Variants in SNX29 observed in about 807,000 individuals in gnomAD.
SNX29 encodes sorting nexin 29, also known as sorting nexin-29.
SNX29 carries 78 observed loss-of-function variants against 102.1 expected under a neutral mutation model. That is an observed-to-expected ratio of 0.76 (90% CI 0.64 to 0.92). The LOEUF is 0.92. Among genes scored for constraint, SNX29 ranks in the 40% least tolerant of loss-of-function variants. The probability of loss-of-function intolerance (pLI) is 0.00; values close to 1 mark genes in which losing one functional copy is unlikely to be tolerated. For missense variants in SNX29, 1,280 were observed against 1,061.7 expected (o/e 1.21, Z -2.86); for synonymous variants, 580 against 414.5 (o/e 1.40, Z -4.85).
At chr16:12,065,708 G>A (rs1034777762) in intron 9 of SNX29, among the ~76,000 whole-genome samples, 2 of 152,110 alleles carry the variant, frequency 1.3e-5, no homozygotes, top group African/African-American at 4.8e-5. Context: ...ACACTGCCCT[G>A]GTTGTGCTTC....
intron 16 of SNX29, among the ~76,000 whole-genome samples, chr16:12,364,161 T>TTATTA (rs1555520016): frequency 1.0e-4 from 14 of 138,384 alleles, no homozygotes; most frequent in African/African-American, 4.0e-4. Flanking sequence ...CCTGGCTTGT[T>TTATTA]TGTTATGTTA....
At chr16:12,552,218 C>G (rs1477082994) in intron 20 of SNX29, among the ~76,000 whole-genome samples, 1 of 152,008 alleles carries the variant, frequency 6.6e-6, no homozygotes, top group Non-Finnish European at 1.5e-5. Context: ...GCCGTGGAGT[C>G]AGACATCCAG....
At chr16:12,068,296 G>A (rs1024702000) in intron 9 of SNX29, among the ~76,000 whole-genome samples, 2 of 151,926 alleles carry the variant, frequency 1.3e-5, no homozygotes, top group Non-Finnish European at 2.9e-5. Flanking sequence ...GGGCAACATA[G>A]TGGGACCCCC....
intron 14 of SNX29, among the ~76,000 whole-genome samples, chr16:12,233,841 G>T (rs554920182): frequency 3.3e-5 from 5 of 152,234 alleles, no homozygotes; most frequent in African/African-American, 1.2e-4. Flanking sequence ...CTTCATATCA[G>T]TGGAATGATA....
rs564276465 is a variant in SNX29 at position 12,077,407 on chromosome 16, G to C, written c.1320-1426G>C. Among the ~76,000 whole-genome samples, 86 of 151,898 alleles carry C rather than the reference G, an allele frequency of 5.7e-4. No individual in the cohort carries two copies. The South Asian group carries it at 0.017, about 31-fold the overall frequency. On this transcript the variant is annotated intron_variant, in intron 10 of 20. Coordinates refer to ENST00000566228, the MANE Select transcript of SNX29 (RefSeq NM_032167.5). The stretch of plus-strand genomic sequence containing the variant: ...TCATGGTGTGTGTGTGTGTGTGTGT[G>C]TGTGTGTGTGTGTGTGTGTGTATCT...
At chr16:12,196,412 G>A (rs929870718) in intron 13 of SNX29, among the ~76,000 whole-genome samples, 11 of 152,136 alleles carry the variant, frequency 7.2e-5, no homozygotes, top group Non-Finnish European at 1.3e-4. Flanking sequence ...TTCATGTGTT[G>A]CAGATTGAAA....
chr16:12,013,500 A>AAATATATATATATATATATATATATAT, intron 3 of SNX29, among the ~76,000 whole-genome samples: 1 of 31,632 alleles, frequency 3.2e-5, no homozygotes, highest in Non-Finnish European at 6.1e-5. Context: ...AAAAAAAAAA[A>AAATATATATATATATATATATATATAT]ATATATATAT....
chr16:12,065,760 G>C (rs2051005273), intron 9 of SNX29, among the ~76,000 whole-genome samples: 1 of 152,106 alleles, frequency 6.6e-6, no homozygotes, highest in Admixed American at 6.6e-5. Flanking sequence ...GGGGTTCCTG[G>C]TTTTCTTTAT....
intron 19 of SNX29, among the ~76,000 whole-genome samples, chr16:12,496,517 T>TTG (rs1262208410): frequency 6.7e-6 from 1 of 149,048 alleles, no homozygotes; most frequent in African/African-American, 2.5e-5. Context: ...CTTTTTTTTT[T>TTG]TTTTTTTTTT....
intron 1 of SNX29, among the ~76,000 whole-genome samples, chr16:11,990,304 A>G (rs1240855767): frequency 6.6e-6 from 1 of 152,126 alleles, no homozygotes; most frequent in Non-Finnish European, 1.5e-5. Context: ...AGATGGGGCA[A>G]TTGCTGGTAT....
At chr16:12,147,688 C>G (rs1479482673) in intron 13 of SNX29, among the ~76,000 whole-genome samples, 2 of 152,224 alleles carry the variant, frequency 1.3e-5, no homozygotes, top group African/African-American at 4.8e-5. Context: ...GACTTTCCCT[C>G]TTTGCCTCCG....
intron 13 of SNX29, among the ~76,000 whole-genome samples, chr16:12,141,081 T>G (rs2054852167): frequency 6.6e-6 from 1 of 152,198 alleles, no homozygotes; most frequent in Non-Finnish European, 1.5e-5. Flanking sequence ...ATGGATGAGT[T>G]TTGATTTTAA....
chr16:12,384,527 G>T (rs1390139590), intron 16 of SNX29, among the ~76,000 whole-genome samples: 1 of 152,202 alleles, frequency 6.6e-6, no homozygotes, highest in Admixed American at 6.5e-5. Context: ...TTTGAGAAAT[G>T]TCGTTTCAGA....
intron 14 of SNX29, among the ~76,000 whole-genome samples, chr16:12,209,901 G>C (rs1043058021): frequency 6.6e-6 from 1 of 152,190 alleles, no homozygotes; most frequent in Non-Finnish European, 1.5e-5. Context: ...CTGACTCTGC[G>C]TGGGGCTGAG....
At chr16:12,190,766 G>T (rs1038002272) in intron 13 of SNX29, among the ~76,000 whole-genome samples, 1 of 152,156 alleles carries the variant, frequency 6.6e-6, no homozygotes, top group African/African-American at 2.4e-5. Flanking sequence ...GCAAGAGGAG[G>T]GGAGGGGGTC....
At chr16:12,305,047 C>G (rs2080296234) in intron 15 of SNX29, among the ~76,000 whole-genome samples, 1 of 152,152 alleles carries the variant, frequency 6.6e-6, no homozygotes, top group African/African-American at 2.4e-5. Context: ...GCGTGCTGTG[C>G]CTCAAGGCTG....
intron 1 of SNX29, among the ~76,000 whole-genome samples, chr16:11,991,733 C>CT (rs2055862402): frequency 1.5e-5 from 2 of 129,542 alleles, no homozygotes; most frequent in Non-Finnish European, 1.6e-5. Flanking sequence ...TTTTTTTTTC[C>CT]AGTAGAGATG....
At chr16:12,038,138 C>T (rs1008030875) in intron 4 of SNX29, among the ~76,000 whole-genome samples, 2 of 152,148 alleles carry the variant, frequency 1.3e-5, no homozygotes, top group African/African-American at 2.4e-5. Context: ...TTATTGGATA[C>T]ACTTTACATG....
chr16:12,356,290 C>T lies in SNX29; in HGVS notation c.1899+11C>T. On this transcript the variant is annotated intron_variant, in intron 16 of 20. Transcript: ENST00000566228. ...GATCTCCGGGGACCGGTGAGTGTTT[C>T]CCCAACCCTGTGTGTCTGTCAAGCC... is the stretch of plus-strand genomic sequence containing the variant. 1.3e-6 allele frequency: 2 copies of T among 1,585,244 alleles called. No individual in the cohort carries two copies. The highest frequency in any genetic ancestry group is 1.7e-6 in the Non-Finnish European group (2 of 1,165,986).
Sources: allele counts gnomAD v4.1 joint callset (sites outside exome capture counted in the v4.1 genomes callset), GRCh38; gene constraint gnomAD v4.1.1; transcripts MANE v1.5; gene names NCBI Gene and HGNC (gene_info 2026-07-23, HGNC 2026-07-21).